TBC1D8: variants seen among roughly 807,000 people sequenced by gnomAD.
TBC1D8 encodes TBC1 domain family member 8.
A neutral mutation model predicts 118.8 loss-of-function variants in TBC1D8; 65 were observed. The ratio of observed to expected loss-of-function variants is 0.55; its 90% CI spans 0.45 to 0.67. The LOEUF is 0.67. TBC1D8 is among the 30% of genes least tolerant of loss of function. The pLI is 0.00. For synonymous variants in TBC1D8, 566 were observed against 595.8 expected, an observed-to-expected ratio of 0.95 and a Z score of 0.73; for missense variants, 1,376 against 1,471.2, an observed-to-expected ratio of 0.94 and a Z score of 1.06.
intron 3 of TBC1D8, among the ~76,000 whole-genome samples, chr2:101,055,127 C>G (rs1305205790): frequency 1.3e-5 from 2 of 151,992 alleles, no homozygotes; most frequent in Non-Finnish European, 2.9e-5. Context: ...TGGTGGTTCA[C>G]ACCTGTAATC....
rs1680462768 is a variant in TBC1D8 at position 101,028,289 on chromosome 2, G to A, written c.2352+14C>T. On this transcript the variant is annotated intron_variant, in intron 13 of 19. Coordinates refer to ENST00000409318, the MANE Select transcript of TBC1D8 (RefSeq NM_001330348.2). Reference sequence around the variant, plus strand: ...AGGGGCTGCAACGGGGCATGGGGCGGGGGTTCCCGTTACCTCATAGGAATC... The same window carrying A: ...AGGGGCTGCAACGGGGCATGGGGCGAGGGTTCCCGTTACCTCATAGGAATC... 6.2e-7 allele frequency: 1 copy of A among 1,607,152 alleles called. No homozygotes were observed. Among genetic ancestry groups the A allele is most frequent in the Admixed American group, 1.7e-5 (1 of 59,382 alleles).
intron 2 of TBC1D8, among the ~76,000 whole-genome samples, chr2:101,081,387 C>T (rs983976783): frequency 2.6e-5 from 4 of 152,176 alleles, no homozygotes; most frequent in Admixed American, 2.0e-4. Flanking sequence ...CACTCAAGAC[C>T]ATGGGACAGA....
chr2:101,044,584 G>A (rs1007730016), intron 5 of TBC1D8, among the ~76,000 whole-genome samples: 3 of 152,120 alleles, frequency 2.0e-5, no homozygotes, highest in Non-Finnish European at 2.9e-5. Context: ...CATTCAGAAC[G>A]TGGCCACACA....
At chr2:101,056,960 T>C (rs546772884) in intron 3 of TBC1D8, among the ~76,000 whole-genome samples, 1 of 152,196 alleles carries the variant, frequency 6.6e-6, no homozygotes. Context: ...GGAGATCAAA[T>C]GTCATGCTGT....
At chr2:101,057,968 G>A (rs74503741) in intron 3 of TBC1D8, among the ~76,000 whole-genome samples, 66 of 152,300 alleles carry the variant, frequency 4.3e-4, no homozygotes, top group African/African-American at 1.5e-3. Context: ...TCACTGTAGC[G>A]AAAGTTAATT....
chr2:101,108,371 AG>A (rs2105476485), intron 1 of TBC1D8, among the ~76,000 whole-genome samples: 1 of 152,352 alleles, frequency 6.6e-6, no homozygotes, highest in African/African-American at 2.4e-5. Flanking sequence ...ACACAAGACT[AG>A]GGAAATCTGA....
At chr2:101,128,720 C>A (rs1009703730) in intron 1 of TBC1D8, among the ~76,000 whole-genome samples, 1 of 152,194 alleles carries the variant, frequency 6.6e-6, no homozygotes, top group Non-Finnish European at 1.5e-5. Flanking sequence ...TGAATGAATT[C>A]TTTAAATGTG....
intron 1 of TBC1D8, among the ~76,000 whole-genome samples, chr2:101,113,847 G>C (rs926146828): frequency 6.6e-6 from 1 of 152,202 alleles, no homozygotes; most frequent in Admixed American, 6.5e-5. Flanking sequence ...TCCTCACGCA[G>C]GAAGAGCTCC....
intron 1 of TBC1D8, among the ~76,000 whole-genome samples, chr2:101,101,102 A>C (rs1056656241): frequency 6.6e-6 from 1 of 152,210 alleles, no homozygotes; most frequent in Non-Finnish European, 1.5e-5. Context: ...TATCAGAGTG[A>C]AGAGGCAACC....
At chr2:101,022,874 G>A (rs1298527996) in intron 15 of TBC1D8, among the ~76,000 whole-genome samples, 1 of 152,066 alleles carries the variant, frequency 6.6e-6, no homozygotes, top group Admixed American at 6.5e-5. Context: ...CAGGCGTGGT[G>A]GCTCACGCCT....
At chr2:101,027,267 G>A (rs1002350653) in intron 15 of TBC1D8, 116 bp downstream of exon 15, 9 of 913,404 alleles carry the variant, frequency 9.9e-6, no homozygotes, top group South Asian at 8.5e-5. Flanking sequence ...GGGCAGCTCC[G>A]GCCTCTGCTC....
At chr2:101,150,533 CT>C (rs1679511219) in intron 1 of TBC1D8, among the ~76,000 whole-genome samples, 1 of 152,218 alleles carries the variant, frequency 6.6e-6, no homozygotes, top group Non-Finnish European at 1.5e-5. Flanking sequence ...TTGTAAGACA[CT>C]GAAAGAGAGG....
chr2:101,126,896 T>C (rs1169887601), intron 1 of TBC1D8, among the ~76,000 whole-genome samples: 1 of 152,242 alleles, frequency 6.6e-6, no homozygotes, highest in African/African-American at 2.4e-5. Flanking sequence ...ATTCTATTTC[T>C]GAGCAATCAA....
Position 101,110,437 on chromosome 2 carries a change from G to A in TBC1D8, c.128-20073C>T, listed in dbSNP as rs1677517462. Among the ~76,000 whole-genome samples the A allele has an allele frequency of 2.6e-5, 4 of 152,142 alleles. No individual in the cohort carries two copies. The South Asian group carries it at 8.3e-4, about 31-fold the overall frequency. On this transcript the variant is annotated intron_variant, in intron 1 of 19. Transcript: ENST00000409318. ...CCCACTCCCACCTACATTAAAGAAAGTATGCCTTCCCTAACAGCTTTGGGC... is the reference window on the plus strand; with the variant it reads ...CCCACTCCCACCTACATTAAAGAAAATATGCCTTCCCTAACAGCTTTGGGC...
At chr2:101,042,859 G>A (rs567537951) in intron 5 of TBC1D8, among the ~76,000 whole-genome samples, 1 of 152,242 alleles carries the variant, frequency 6.6e-6, no homozygotes, top group South Asian at 2.1e-4. Context: ...GGAATCGGCT[G>A]CACACAGCTC....
chr2:101,148,696 G>A (rs1341973456), intron 1 of TBC1D8, among the ~76,000 whole-genome samples: 1 of 152,164 alleles, frequency 6.6e-6, no homozygotes, highest in Non-Finnish European at 1.5e-5. Flanking sequence ...TAAAGGAAAA[G>A]AGATGTTTAT....
intron 3 of TBC1D8, 49 bp downstream of exon 3, chr2:101,059,371 AG>A (rs1312915670): frequency 1.4e-6 from 2 of 1,453,520 alleles, no homozygotes; most frequent in Non-Finnish European, 1.9e-6. Context: ...GAATGTCTTA[AG>A]GAAGAAAGAT....
At chr2:101,076,392 T>C (rs1573988368) in intron 2 of TBC1D8, among the ~76,000 whole-genome samples, 2 of 152,214 alleles carry the variant, frequency 1.3e-5, no homozygotes, top group South Asian at 4.1e-4. Flanking sequence ...TTAGCATCAA[T>C]AGGAGTGAGA....
intron 17 of TBC1D8, among the ~76,000 whole-genome samples, chr2:101,012,769 T>TA (rs1679325694): frequency 6.6e-6 from 1 of 152,230 alleles, no homozygotes; most frequent in African/African-American, 2.4e-5. Context: ...GTTTGGAACT[T>TA]ATTCGTAAAC....
Sources: allele counts gnomAD v4.1 joint callset (sites outside exome capture counted in the v4.1 genomes callset), GRCh38; gene constraint gnomAD v4.1.1; transcripts MANE v1.5; gene names NCBI Gene and HGNC (gene_info 2026-07-23, HGNC 2026-07-21).